Variants in COL28A1 observed in about 807,000 individuals in gnomAD.
COL28A1 encodes collagen type XXVIII alpha 1 chain.
COL28A1 carries 161 observed loss-of-function variants against 150.2 expected under a neutral mutation model. That is an observed-to-expected ratio of 1.07 (90% confidence interval 0.94 to 1.22). The LOEUF is 1.22. Ranked by LOEUF, COL28A1 falls within the 50% of genes most tolerant of loss-of-function variation. The pLI is 0.00. For synonymous variants in COL28A1, 552 were observed against 469.7 expected (o/e 1.18, Z -2.26); for missense variants, 1,617 against 1,388.3 (o/e 1.16, Z -2.62).
At chr7:7,534,285 C>T (rs191604192) in intron 1 of COL28A1, among the ~76,000 whole-genome samples, 1 of 152,204 alleles carries the variant, frequency 6.6e-6, no homozygotes, top group East Asian at 1.9e-4. Context: ...GTAAAGACAG[C>T]TGGGTATTAA....
the COL28A1 span, among the ~76,000 whole-genome samples, chr7:7,343,799 G>C: frequency 6.6e-6 from 1 of 151,938 alleles, no homozygotes; most frequent in African/African-American, 2.4e-5. Flanking sequence ...TTTGAGGCCA[G>C]GAGTTTGAGA....
chr7:7,384,484 T>C (rs1238047213), intron 27 of COL28A1, among the ~76,000 whole-genome samples: 1 of 152,228 alleles, frequency 6.6e-6, no homozygotes, highest in Non-Finnish European at 1.5e-5. Context: ...GTAAGATATT[T>C]TGAGAGAGAC....
rs779417372 is a variant in COL28A1 at position 7,373,520 on chromosome 7, GA to G, written c.2385del (p.Pro796HisfsTer2). 2 of 1,612,304 alleles carry G rather than the reference GA, an allele frequency of 1.2e-6. No homozygotes were observed. The highest frequency in any genetic ancestry group is 2.7e-5 in the African/African-American group (2 of 74,860). The stretch of plus-strand genomic sequence containing the variant: ...TCGATCACAAACACCAGCTCTAGTG[GA>G]GTCTCTTTGCATTTGGGCCCACAAC... ...ICGCGPKCKE[T>X]PLELVFVIDS... On this transcript the variant is annotated frameshift_variant, in exon 32 of 35. Coordinates refer to ENST00000399429, the MANE Select transcript of COL28A1 (RefSeq NM_001037763.3). LOFTEE classifies it high-confidence loss of function. The surrounding 1 kb of genome is among the most constrained non-coding windows in gnomAD (Gnocchi z 4.1).
chr7:7,346,141 G>GT, the COL28A1 span, among the ~76,000 whole-genome samples: 124 of 151,996 alleles, frequency 8.2e-4, no homozygotes, highest in African/African-American at 2.8e-3. Flanking sequence ...CAGCTCTAGT[G>GT]TTCTACTATT....
At chr7:7,461,984 C>A (rs1374135854) in intron 15 of COL28A1, among the ~76,000 whole-genome samples, 1 of 152,152 alleles carries the variant, frequency 6.6e-6, no homozygotes, top group East Asian at 1.9e-4. Context: ...CTCACAGAGT[C>A]CATTTCACCC....
At chr7:7,541,278 T>C in the COL28A1 span, among the ~76,000 whole-genome samples, 2 of 152,288 alleles carry the variant, frequency 1.3e-5, no homozygotes, top group African/African-American at 4.8e-5. Context: ...AAATTATTCA[T>C]GGACAAAATT....
chr7:7,343,091 C>A, the COL28A1 span, among the ~76,000 whole-genome samples: 2 of 152,014 alleles, frequency 1.3e-5, no homozygotes, highest in South Asian at 4.2e-4. Context: ...GTACATCTAA[C>A]CGCTCCTTCT....
chr7:7,357,795 C>T (rs1780412078), downstream of COL28A1: 1 of 152,076 alleles, frequency 6.6e-6, no homozygotes, highest in South Asian at 2.1e-4. Flanking sequence ...CCATTACTCG[C>T]ATTTCAATTT....
downstream of COL28A1, among the ~76,000 whole-genome samples, chr7:7,354,186 G>A (rs989926123): frequency 1.3e-5 from 2 of 152,000 alleles, no homozygotes; most frequent in African/African-American, 4.8e-5. Context: ...TAGAGATGGA[G>A]TTTTCCCATG....
At chr7:7,508,803 C>A (rs889332035) in intron 9 of COL28A1, among the ~76,000 whole-genome samples, 2 of 151,300 alleles carry the variant, frequency 1.3e-5, no homozygotes, top group African/African-American at 4.9e-5. Context: ...GTTGCCCACA[C>A]TGGTGATATA....
chr7:7,508,231 C>CAA (rs879724648), intron 9 of COL28A1, among the ~76,000 whole-genome samples: 2 of 106,738 alleles, frequency 1.9e-5, no homozygotes, highest in Non-Finnish European at 2.0e-5. Context: ...GACTCTGTCT[C>CAA]AAAAAAAAAA....
intron 6 of COL28A1, among the ~76,000 whole-genome samples, chr7:7,519,586 T>C (rs1283244031): frequency 6.6e-6 from 1 of 152,200 alleles, no homozygotes; most frequent in Non-Finnish European, 1.5e-5. Context: ...CTGGGATTTT[T>C]TTTGATAGGT....
At chr7:7,384,196 T>C (rs1782052703) in intron 27 of COL28A1, among the ~76,000 whole-genome samples, 1 of 152,178 alleles carries the variant, frequency 6.6e-6, no homozygotes, top group African/African-American at 2.4e-5. Context: ...CTTTGGTATC[T>C]CTTGAGCCAA....
At chr7:7,425,182 AG>A (rs1784590535) in intron 25 of COL28A1, among the ~76,000 whole-genome samples, 1 of 152,172 alleles carries the variant, frequency 6.6e-6, no homozygotes. Flanking sequence ...TTTACAGATA[AG>A]GAAACTGAGC....
intron 28 of COL28A1, 115 bp from the exon 29 acceptor site, chr7:7,380,977 G>T: frequency 1.1e-6 from 1 of 874,442 alleles, no homozygotes; most frequent in Non-Finnish European, 1.8e-6. Flanking sequence ...TTCAGTTCTT[G>T]TTTATACAAA....
chr7:7,390,195 G>C (rs1309850018), intron 27 of COL28A1, among the ~76,000 whole-genome samples: 1 of 152,108 alleles, frequency 6.6e-6, no homozygotes, highest in African/African-American at 2.4e-5. Context: ...AGAGTTTTTA[G>C]CATGAAGGGA....
intron 25 of COL28A1, among the ~76,000 whole-genome samples, chr7:7,432,176 GAA>G (rs1211347047): frequency 1.3e-5 from 2 of 152,156 alleles, no homozygotes; most frequent in Admixed American, 1.3e-4. Context: ...AGTATCTAGG[GAA>G]AGAGTATGGC....
intron 11 of COL28A1, among the ~76,000 whole-genome samples, chr7:7,495,073 C>T (rs1055833497): frequency 9.2e-5 from 14 of 151,778 alleles, no homozygotes; most frequent in African/African-American, 1.5e-4. Context: ...AAGTAGACAG[C>T]GAGCCACATT....
intron 13 of COL28A1, among the ~76,000 whole-genome samples, chr7:7,480,633 A>G (rs964631393): frequency 2.0e-5 from 3 of 152,244 alleles, no homozygotes; most frequent in African/African-American, 4.8e-5. Flanking sequence ...AACACAATTT[A>G]TATTAAATGT....
Sources: allele counts gnomAD v4.1 joint callset (sites outside exome capture counted in the v4.1 genomes callset), GRCh38; gene constraint gnomAD v4.1.1; non-coding constraint Gnocchi (gnomAD v3.1); transcripts MANE v1.5; gene names NCBI Gene and HGNC (gene_info 2026-07-23, HGNC 2026-07-21).